TNIK: variants seen among roughly 807,000 people sequenced by gnomAD.
TNIK encodes the protein TRAF2 and NCK interacting kinase.
TNIK carries 49 observed loss-of-function variants against 191.3 expected under a neutral mutation model. The observed-to-expected ratio is 0.26, with a 90% confidence interval of 0.20 to 0.32. TNIK has a LOEUF of 0.32. Among genes scored for constraint, TNIK ranks in the 10% least tolerant of loss-of-function variants. The pLI, the probability that TNIK is intolerant of heterozygous loss-of-function variation, is 1.00. For synonymous variants in TNIK, 594 were observed against 600.9 expected, an observed-to-expected ratio of 0.99 and a Z score of 0.17; for missense variants, 1,155 against 1,702.3, an observed-to-expected ratio of 0.68 and a Z score of 5.66.
chr3:171,252,667 T>C (rs905305550), intron 2 of TNIK, among the ~76,000 whole-genome samples: 3 of 152,212 alleles, frequency 2.0e-5, no homozygotes, highest in African/African-American at 4.8e-5. Flanking sequence ...TGCATAGCAT[T>C]GGTTCTTTGA....
chr3:171,448,161 G>A (rs1382757475), intron 1 of TNIK, among the ~76,000 whole-genome samples: 1 of 152,020 alleles, frequency 6.6e-6, no homozygotes, highest in Non-Finnish European at 1.5e-5. Context: ...TTTTTAATAA[G>A]AGTTTTATTG....
At chr3:171,126,266 A>G in intron 16 of TNIK, 115 bp from the exon 17 acceptor site, 1 of 1,318,188 alleles carries the variant, frequency 7.6e-7, no homozygotes, top group Non-Finnish European at 9.9e-7. Flanking sequence ...AAATTGGACT[A>G]TAGAGAGTCT....
At chr3:171,410,778 C>CAAAAAAAA (rs55965220) in intron 1 of TNIK, among the ~76,000 whole-genome samples, 1 of 73,928 alleles carries the variant, frequency 1.4e-5, no homozygotes, top group African/African-American at 5.4e-5. Context: ...GACTCCATCT[C>CAAAAAAAA]AAAAAAAAAA....
chr3:171,228,244 A>G (rs1025016695), intron 2 of TNIK, 23 bp from the exon 3 acceptor site: 23 of 1,613,274 alleles, frequency 1.4e-5, no homozygotes, highest in Non-Finnish European at 1.9e-5. Context: ...AATAATAACA[A>G]AAGATTTAGT....
chr3:171,263,373 A>G (rs762835992), intron 2 of TNIK, among the ~76,000 whole-genome samples: 1 of 152,228 alleles, frequency 6.6e-6, no homozygotes, highest in Non-Finnish European at 1.5e-5. Context: ...CAAGAATCAG[A>G]GCAGGTTAAG....
In TNIK at chr3:171,062,361, C is replaced by T. The variant is rs756799868; in HGVS notation, c.*1520G>A. 1.3e-5 allele frequency: 2 copies of T among 152,086 alleles called. No homozygotes were observed. The highest frequency in any genetic ancestry group is 2.9e-5 in the Non-Finnish European group (2 of 68,026). 9.4% of individuals were successfully genotyped at this position (152,086 alleles called of 1,614,324 possible). Reference sequence around the variant, plus strand: ...CTCTATATGTCTCCTGGAGATAACACTGCTGTGATGAACAGTGAAACAAAA... The same window carrying T: ...CTCTATATGTCTCCTGGAGATAACATTGCTGTGATGAACAGTGAAACAAAA... On this transcript the variant is annotated 3_prime_UTR_variant, in exon 33 of 33. Coordinates refer to ENST00000436636, the MANE Select transcript of TNIK (RefSeq NM_015028.4).
chr3:171,122,192 A>G (rs1484161149), intron 18 of TNIK, among the ~76,000 whole-genome samples: 2 of 152,220 alleles, frequency 1.3e-5, no homozygotes, highest in African/African-American at 4.8e-5. Flanking sequence ...AAAATACTTA[A>G]AGTTGAAATA....
At chr3:171,280,236 T>C (rs1020104291) in intron 2 of TNIK, among the ~76,000 whole-genome samples, 7 of 152,190 alleles carry the variant, frequency 4.6e-5, no homozygotes, top group African/African-American at 1.4e-4. Context: ...AACCAGATAA[T>C]CATGTGAGTC....
chr3:171,445,096 G>A (rs994105656), intron 1 of TNIK, among the ~76,000 whole-genome samples: 40 of 151,994 alleles, frequency 2.6e-4, no homozygotes, highest in African/African-American at 9.2e-4. Context: ...GCTTCTTAAC[G>A]CAAAAGTTGC....
At chr3:171,234,693 T>C (rs532557128) in intron 2 of TNIK, among the ~76,000 whole-genome samples, 2 of 152,282 alleles carry the variant, frequency 1.3e-5, no homozygotes, top group South Asian at 2.1e-4. Context: ...TCAAAATGGA[T>C]GCTTAAAGGG....
chr3:171,315,024 A>G (rs1472624173), intron 2 of TNIK, among the ~76,000 whole-genome samples: 1 of 152,172 alleles, frequency 6.6e-6, no homozygotes, highest in Admixed American at 6.6e-5. Context: ...GTCATTAGTA[A>G]CAACAACCAC....
chr3:171,356,204 A>C (rs1371390041), intron 2 of TNIK, among the ~76,000 whole-genome samples: 3 of 152,148 alleles, frequency 2.0e-5, no homozygotes, highest in Non-Finnish European at 4.4e-5. Context: ...ATCATAATGC[A>C]CCTGGCTATT....
At chr3:171,152,611 G>GGTA (rs764148032) in intron 12 of TNIK, among the ~76,000 whole-genome samples, 22 of 152,260 alleles carry the variant, frequency 1.4e-4, no homozygotes, top group Admixed American at 4.6e-4. Flanking sequence ...AGGGCATGCA[G>GGTA]GTAGTAGTAG....
chr3:171,154,084 A>T (rs1233629116), intron 12 of TNIK, among the ~76,000 whole-genome samples: 2 of 152,198 alleles, frequency 1.3e-5, no homozygotes, highest in Non-Finnish European at 1.5e-5. Flanking sequence ...CCTTATGCTT[A>T]AAAACCTCAT....
intron 1 of TNIK, among the ~76,000 whole-genome samples, chr3:171,373,273 G>A (rs1424300972): frequency 7.2e-6 from 1 of 138,504 alleles, no homozygotes; most frequent in Non-Finnish European, 1.6e-5. Context: ...ATACTCCTGA[G>A]CATCACTACT....
At chr3:171,454,148 G>A (rs1456234662) in intron 1 of TNIK, among the ~76,000 whole-genome samples, 3 of 152,192 alleles carry the variant, frequency 2.0e-5, no homozygotes, top group African/African-American at 7.2e-5. Context: ...GCATCTTTCA[G>A]ACTCAAGTTA....
Position 171,340,547 on chromosome 3 carries a change from A to G in TNIK, c.123+29073T>C, listed in dbSNP as rs200921980. Reference sequence around the variant, plus strand: ...GTACTGCCTGATCCCATGGCACACAACTCAAGTCTTCTGAAGTGCCCTGCA... The same window carrying G: ...GTACTGCCTGATCCCATGGCACACAGCTCAAGTCTTCTGAAGTGCCCTGCA... On this transcript the variant is annotated intron_variant, in intron 2 of 32. Coordinates refer to ENST00000436636, the MANE Select transcript of TNIK (RefSeq NM_015028.4). Among the ~76,000 whole-genome samples the G allele has an allele frequency of 2.0e-5, 3 of 152,236 alleles. No homozygotes were observed. The East Asian group carries it at 5.8e-4, about 29-fold the overall frequency.
chr3:171,255,329 CA>C (rs1295326757), intron 2 of TNIK, among the ~76,000 whole-genome samples: 1 of 152,140 alleles, frequency 6.6e-6, no homozygotes, highest in Non-Finnish European at 1.5e-5. Context: ...CATGAGGAAA[CA>C]GTAGATTTTT....
chr3:171,063,110 C>G lies in TNIK; in HGVS notation c.*771G>C, dbSNP rs1339724925. On this transcript the variant is annotated 3_prime_UTR_variant, in exon 33 of 33. Coordinates refer to ENST00000436636, the MANE Select transcript of TNIK (RefSeq NM_015028.4). ...AGCTCAACTCAATGGCGTTAGTATC[C>G]TGTTCAACACACTCCATTCTGTAAA... 6.6e-6 allele frequency: 1 copy of G among 152,158 alleles called. No individual in the cohort carries two copies. The highest frequency in any genetic ancestry group is 6.5e-5 in the Admixed American group (1 of 15,274). 9.4% of individuals were successfully genotyped at this position (152,158 alleles called of 1,614,324 possible).
Sources: gnomAD v4.1 joint callset for allele counts (sites outside exome capture counted in the v4.1 genomes callset) on GRCh38, gnomAD v4.1.1 for gene constraint, MANE v1.5 for transcripts, NCBI Gene and HGNC (gene_info 2026-07-23, HGNC 2026-07-21) for gene names.